The following GH2 variants were observed in gnomAD, a reference collection of about 807,000 sequenced individuals.
GH2 encodes the protein growth hormone variant.
GH2 carries 17 observed loss-of-function variants against 24.1 expected under a neutral mutation model. The ratio of observed to expected loss-of-function variants is 0.71; its 90% CI spans 0.48 to 1.06. GH2 has a LOEUF of 1.06. Ranked by LOEUF, GH2 falls within the 50% of genes least tolerant of loss-of-function variation. GH2 has a pLI of 0.00. For missense variants in GH2, 305 were observed against 273.1 expected, an observed-to-expected ratio of 1.12 and a Z score of -0.82; for synonymous variants, 126 against 118.7, an observed-to-expected ratio of 1.06 and a Z score of -0.40.
intron 1 of GH2, 76 bp downstream of exon 1, chr17:63,881,716 G>A: frequency 6.2e-7 from 1 of 1,611,602 alleles, no homozygotes; most frequent in Non-Finnish European, 8.5e-7. Flanking sequence ...GAGGGTTAGT[G>A]CCCCCGTCCC....
At position 63,880,765 on chromosome 17, in the gene GH2, C is replaced by A. The variant is rs149061217; in HGVS notation, c.456+7G>T. ...CCAGGATTGGGGATCCCTGGTGCCA[C>A]CCTCACCCACATCAGCGTTTGGATG... On this transcript the variant is annotated splice_region_variant and intron_variant, in intron 4 of 4. Coordinates refer to ENST00000423893, the MANE Select transcript of GH2 (RefSeq NM_002059.5). 4 of 1,613,976 alleles carry A rather than the reference C, an allele frequency of 2.5e-6. No individual in the cohort carries two copies. The African/African-American group carries it at 4.0e-5, about 16-fold the overall frequency.
In GH2 at chr17:63,880,313, C is replaced by A; in HGVS notation, c.*8G>T. ...TGGGGAGGGGTCACAGGGATGCCAC[C>A]CGGGCAGCTAGAAGCCACAGCTGCC... On this transcript the variant is annotated 3_prime_UTR_variant, in exon 5 of 5. Coordinates refer to ENST00000423893, the MANE Select transcript of GH2 (RefSeq NM_002059.5). 6.2e-7 allele frequency: 1 copy of A among 1,613,764 alleles called. No homozygotes were observed. The highest frequency in any genetic ancestry group is 8.5e-7 in the Non-Finnish European group (1 of 1,179,798).
chr17:63,881,848 T>G lies in GH2; in HGVS notation c.-47A>C. The G allele has an allele frequency of 6.2e-7, 1 of 1,613,724 alleles. No homozygotes were observed. The highest frequency in any genetic ancestry group is 8.5e-7 in the Non-Finnish European group (1 of 1,179,758). On this transcript the variant is annotated 5_prime_UTR_variant, in exon 1 of 5. Coordinates refer to ENST00000423893, the MANE Select transcript of GH2 (RefSeq NM_002059.5). ...CAGGACCCTGAGTGGTTCGGGGAGT[T>G]GGGCCTTGGGATCCTTGAGCTGGTC... is the stretch of plus-strand genomic sequence containing the variant.
Position 63,881,796 on chromosome 17 carries a change from A to T in GH2, c.6T>A (p.Ala2=). 1.2e-6 allele frequency: 2 copies of T among 1,613,374 alleles called. No homozygotes were observed. Among genetic ancestry groups the T allele is most frequent in the South Asian group, 1.1e-5 (1 of 91,044 alleles). M[A]AGSRTSLLLA... ...AGGGATTTTAGGGGCGCTTACCTGC[A>T]GCCATTGCCGCTAGGTGAGCTGTCC... Residue 2 remains alanine, a synonymous_variant, in exon 1 of 5, where the codon GCT becomes GCA. Transcript: ENST00000423893.
rs769389932 is a variant in GH2, at chr17:63,880,883, G to A, written c.345C>T (p.Pro115=). 21 of 1,614,086 alleles carry A rather than the reference G, an allele frequency of 1.3e-5. No homozygotes were observed. The highest frequency in any genetic ancestry group is 1.6e-5 in the Non-Finnish European group (19 of 1,179,962). The part of the protein sequence containing the change: ...SLLLIQSWLE[P]VQLLRSVFAN... ...CGAAGACGCTCCTGAGGAGCTGCACGGGCTCCAGCCATGACTGGATGAGCA... is the reference window on the plus strand; with the variant it reads ...CGAAGACGCTCCTGAGGAGCTGCACAGGCTCCAGCCATGACTGGATGAGCA... The change falls in exon 4 of 5, where the codon CCC becomes CCT. Residue 115 remains proline, a synonymous_variant. Transcript: ENST00000423893.
In GH2 at chr17:63,880,314, C is replaced by T. The variant is rs745338968; in HGVS notation, c.*7G>A. On this transcript the variant is annotated 3_prime_UTR_variant, in exon 5 of 5. Coordinates refer to ENST00000423893, the MANE Select transcript of GH2 (RefSeq NM_002059.5). ...GGGGAGGGGTCACAGGGATGCCACC[C>T]GGGCAGCTAGAAGCCACAGCTGCCC... 48 of 1,613,662 alleles carry T rather than the reference C, an allele frequency of 3.0e-5. 1 individual carries two copies. The highest frequency in any genetic ancestry group is 3.6e-5 in the Non-Finnish European group (42 of 1,179,798).
rs779470151 is a variant in GH2 at position 63,880,391 on chromosome 17, T to A, written c.584A>T (p.Asp195Val). 5 of 1,613,804 alleles carry A rather than the reference T, an allele frequency of 3.1e-6. No individual in the cohort carries two copies. The highest frequency in any genetic ancestry group is 4.2e-6 in the Non-Finnish European group (5 of 1,179,788). ...NYGLLYCFRK[D>V]MDKVETFLRI... ...CAGGAATGTCTCGACCTTGTCCATGTCCTTCCTGAAGCAGTAGAGCAGCCC... is the reference window on the plus strand; with the variant it reads ...CAGGAATGTCTCGACCTTGTCCATGACCTTCCTGAAGCAGTAGAGCAGCCC... The change falls in exon 5 of 5, where the codon GAC (aspartate) becomes GTC (valine). Residue 195 changes from aspartate (D) to valine (V), a missense_variant. By Grantham distance (152) the Asp-to-Val change is radical (BLOSUM62 -3). Transcript: ENST00000423893.
Position 63,881,818 on chromosome 17 carries a change from G to C in GH2, c.-17C>G, listed in dbSNP as rs750161094. 3 of 1,613,684 alleles carry C rather than the reference G, an allele frequency of 1.9e-6. No homozygotes were observed. Among genetic ancestry groups the C allele is most frequent in the East Asian group, 2.2e-5 (1 of 44,884 alleles). On this transcript the variant is annotated 5_prime_UTR_variant, in exon 1 of 5. Transcript: ENST00000423893. ...TGCAGCCATTGCCGCTAGGTGAGCT[G>C]TCCACAGGACCCTGAGTGGTTCGGG... is the stretch of plus-strand genomic sequence containing the variant.
intron 2 of GH2, 36 bp from the exon 3 acceptor site, chr17:63,881,184 A>G (rs750311066): frequency 6.2e-7 from 1 of 1,614,026 alleles, no homozygotes; most frequent in Admixed American, 1.7e-5. Context: ...TCTATGCTGG[A>G]GACCAGCTCC....
chr17:63,881,837 G>A lies in GH2; in HGVS notation c.-36C>T, dbSNP rs1905559042. The A allele has an allele frequency of 6.2e-7, 1 of 1,613,620 alleles. No homozygotes were observed. The highest frequency in any genetic ancestry group is 8.5e-7 in the Non-Finnish European group (1 of 1,179,788). On this transcript the variant is annotated 5_prime_UTR_variant, in exon 1 of 5. Coordinates refer to ENST00000423893, the MANE Select transcript of GH2 (RefSeq NM_002059.5). Reference sequence around the variant, plus strand: ...TGAGCTGTCCACAGGACCCTGAGTGGTTCGGGGAGTTGGGCCTTGGGATCC... The same window carrying A: ...TGAGCTGTCCACAGGACCCTGAGTGATTCGGGGAGTTGGGCCTTGGGATCC...
intron 2 of GH2, 95 bp downstream of exon 2, chr17:63,881,264 C>A: frequency 6.2e-7 from 1 of 1,610,894 alleles, no homozygotes; most frequent in Non-Finnish European, 8.5e-7. Context: ...CAGAAAACAA[C>A]CCTGAGCTCC....
chr17:63,880,676 C>G (rs558271923), intron 4 of GH2, 96 bp downstream of exon 4: 18 of 1,614,038 alleles, frequency 1.1e-5, no homozygotes, highest in Admixed American at 3.3e-5. Context: ...CTTGGGTCAG[C>G]GCCTGACTGC....
In GH2 at chr17:63,881,834, G is replaced by A. The variant is rs201624817; in HGVS notation, c.-33C>T. The A allele has an allele frequency of 5.6e-6, 9 of 1,613,730 alleles. No homozygotes were observed. Among genetic ancestry groups the A allele is most frequent in the Middle Eastern group, 1.7e-4 (1 of 5,960 alleles). ...AGGTGAGCTGTCCACAGGACCCTGAGTGGTTCGGGGAGTTGGGCCTTGGGA... is the reference window on the plus strand; with the variant it reads ...AGGTGAGCTGTCCACAGGACCCTGAATGGTTCGGGGAGTTGGGCCTTGGGA... On this transcript the variant is annotated 5_prime_UTR_variant, in exon 1 of 5. Transcript: ENST00000423893.
rs368810169 is a variant in GH2, at chr17:63,881,200, T to C, written c.172-52A>G. On this transcript the variant is annotated intron_variant, in intron 2 of 4. Transcript: ENST00000423893. ...CTATGCTGGAGACCAGCTCCCATTG[T>C]TACTTTTCTGGGAACCTCACTCAGC... The C allele has an allele frequency of 1.4e-5, 23 of 1,613,970 alleles. No individual in the cohort carries two copies. The African/African-American group carries it at 2.9e-4, about 21-fold the overall frequency.
chr17:63,881,396 C>T lies in GH2; in HGVS notation c.134G>A (p.Arg45His). The change falls in exon 2 of 5, where the codon CGC becomes CAC. Residue 45 changes from arginine to histidine, a missense_variant. Transcript: ENST00000423893. The part of the protein sequence containing the change: ...LFDNAMLRAR[R>H]LYQLAYDTYQ... ...GGTGTCATATGCCAGCTGGTACAGGCGACGGGCGCGGAGCATAGCGTTGTC... is the reference window on the plus strand; with the variant it reads ...GGTGTCATATGCCAGCTGGTACAGGTGACGGGCGCGGAGCATAGCGTTGTC... The T allele has an allele frequency of 6.2e-7, 1 of 1,614,022 alleles. No individual in the cohort carries two copies. Among genetic ancestry groups the T allele is most frequent in the Non-Finnish European group, 8.5e-7 (1 of 1,179,954 alleles).
At chr17:63,881,618 C>A (rs1238355172) in intron 1 of GH2, 99 bp from the exon 2 acceptor site, 1 of 1,601,432 alleles carries the variant, frequency 6.2e-7, no homozygotes, top group Non-Finnish European at 8.5e-7. Context: ...CTCTCTCTCT[C>A]TGCCTCCCTC....
At chr17:63,880,591 T>G (rs1905439867) in intron 4 of GH2, 73 bp from the exon 5 acceptor site, 1 of 1,613,854 alleles carries the variant, frequency 6.2e-7, no homozygotes, top group Non-Finnish European at 8.5e-7. Context: ...TTCATCCATT[T>G]TCCTCCCTCC....
In GH2 at chr17:63,881,133, G is replaced by C. The variant is rs1195444182; in HGVS notation, c.187C>G (p.Leu63Val). The change falls in exon 3 of 5, where the codon CTG becomes GTG. Residue 63 changes from leucine to valine, a missense_variant. By Grantham distance (32) the Leu-to-Val change is conservative. Transcript: ENST00000423893. Reference protein sequence around the residue: ...TYQEFEEAYILKEQKYSFLQN... With the variant: ...TYQEFEEAYIVKEQKYSFLQN... ...AGGAATGAATACTTCTGCTCCTTCA[G>C]GATATAGGCTTCTTCCTAGGAGAAG... The C allele has an allele frequency of 4.3e-6, 7 of 1,613,976 alleles. No homozygotes were observed. Among genetic ancestry groups the C allele is most frequent in the Middle Eastern group, 1.6e-4 (1 of 6,084 alleles).
At position 63,880,890 on chromosome 17, in the gene GH2, A is replaced by G; in HGVS notation, c.338T>C (p.Leu113Pro). ...RISLLLIQSW[L>P]EPVQLLRSVF... ...GCTCCTGAGGAGCTGCACGGGCTCC[A>G]GCCATGACTGGATGAGCAGCAGGGA... The change falls in exon 4 of 5, where the codon CTG becomes CCG. Residue 113 changes from leucine to proline, a missense_variant. Transcript: ENST00000423893. The G allele has an allele frequency of 6.2e-7, 1 of 1,614,110 alleles. No homozygotes were observed.
Sources: allele counts gnomAD v4.1 joint callset, GRCh38; gene constraint gnomAD v4.1.1; transcripts MANE v1.5; gene names NCBI Gene and HGNC (gene_info 2026-07-23, HGNC 2026-07-21).